The following FNBP1 variants were observed in gnomAD, a reference collection of about 807,000 sequenced individuals.
The protein encoded by FNBP1 is formin-binding protein 1.
A neutral mutation model predicts 90.6 loss-of-function variants in FNBP1; 26 were observed. The ratio of observed to expected loss-of-function variants is 0.29; its 90% CI spans 0.21 to 0.40. The LOEUF (loss-of-function observed/expected upper bound fraction) is 0.40. Ranked by LOEUF, FNBP1 falls within the 10% of genes least tolerant of loss-of-function variation. The probability of loss-of-function intolerance (pLI) is 1.00; values close to 1 mark genes in which losing one functional copy is unlikely to be tolerated. For synonymous variants in FNBP1, 260 were observed against 265.2 expected, an observed-to-expected ratio of 0.98 and a Z score of 0.19; for missense variants, 635 against 768.0, an observed-to-expected ratio of 0.83 and a Z score of 2.05.
chr9:130,002,313 T>C (rs979354353), intron 1 of FNBP1, among the ~76,000 whole-genome samples: 1 of 152,228 alleles, frequency 6.6e-6, no homozygotes, highest in Non-Finnish European at 1.5e-5. Flanking sequence ...GTATACATAC[T>C]GCTATAGTTT....
chr9:130,020,910 G>T (rs1245324276), intron 1 of FNBP1, among the ~76,000 whole-genome samples: 1 of 152,114 alleles, frequency 6.6e-6, no homozygotes, highest in African/African-American at 2.4e-5. Context: ...CTTAGACTTA[G>T]TGCCAACATC....
rs2041499649 is a variant in FNBP1, at chr9:129,923,950, T to C, written c.1064A>G (p.Asn355Ser). The change falls in exon 10 of 17, where the codon AAC (asparagine) becomes AGC (serine). Residue 355 changes from asparagine (N) to serine (S), a missense_variant. Transcript: ENST00000446176. ...TTGCTGCTTGGGAGACTGGGGGCCG[T>C]TGGGAACAGCAGAGGGTGAGGCAGA... ...PASASPSAVP[N>S]GPQSPKQQKE... is the part of the protein sequence containing the mutation. The C allele has an allele frequency of 1.3e-6, 2 of 1,565,990 alleles. No individual in the cohort carries two copies. The highest frequency in any genetic ancestry group is 1.5e-5 in the African/African-American group (1 of 67,818).
Position 129,943,329 on chromosome 9 carries a change from T to A in FNBP1, c.514-13634A>T, listed in dbSNP as rs531611866. Among the ~76,000 whole-genome samples, 5 of 152,170 alleles carry A rather than the reference T, an allele frequency of 3.3e-5. No individual in the cohort carries two copies. The East Asian group carries it at 9.7e-4, about 29-fold the overall frequency. On this transcript the variant is annotated intron_variant, in intron 6 of 16. Coordinates refer to ENST00000446176, the MANE Select transcript of FNBP1 (RefSeq NM_015033.3). ...ATATGATGGACCTCATTGATCGTTTTTATAATTTTTTTTCCTTTATCTCAC... is the reference window on the plus strand; with the variant it reads ...ATATGATGGACCTCATTGATCGTTTATATAATTTTTTTTCCTTTATCTCAC...
In FNBP1 at chr9:130,006,514, A is replaced by C. The variant is rs544952986; in HGVS notation, c.25-11556T>G. Among the ~76,000 whole-genome samples the C allele has an allele frequency of 6.9e-3, 1,045 of 151,544 alleles. 14 individuals are homozygous for C. The highest frequency in any genetic ancestry group is 0.024 in the African/African-American group (1,001 of 41,368). On this transcript the variant is annotated intron_variant, in intron 1 of 16. Coordinates refer to ENST00000446176, the MANE Select transcript of FNBP1 (RefSeq NM_015033.3). The stretch of plus-strand genomic sequence containing the variant: ...GTCTCAAAAAGAAACAAAACAAAAC[A>C]AAAAAACTAGCCAAGCATGGTGGCA...
chr9:129,905,806 A>G (rs900889284), intron 12 of FNBP1, among the ~76,000 whole-genome samples: 5 of 151,922 alleles, frequency 3.3e-5, no homozygotes, highest in Non-Finnish European at 7.4e-5. Context: ...TTAAAGTTCA[A>G]TTCTATTTCA....
Position 129,900,432 on chromosome 9 carries a change from C to CG in FNBP1, c.1543dup (p.Arg515ProfsTer2). 6.3e-7 allele frequency: 1 copy of CG among 1,586,888 alleles called. No homozygotes were observed. The highest frequency in any genetic ancestry group is 8.6e-7 in the Non-Finnish European group (1 of 1,168,358). ...CGCTGTGCAGATACTGTACCTCTCA[C>CG]GGTCCTGGGCGCAGTTGTTGACTGT... is the stretch of plus-strand genomic sequence containing the variant. On this transcript the variant is annotated frameshift_variant, in exon 14 of 17. Transcript: ENST00000446176. LOFTEE classifies it high-confidence loss of function. The surrounding 1 kb of genome is among the most constrained non-coding windows in gnomAD (Gnocchi z 4.1).
intron 15 of FNBP1, among the ~76,000 whole-genome samples, chr9:129,897,827 T>C (rs1261674302): frequency 3.3e-5 from 5 of 152,018 alleles, no homozygotes; most frequent in African/African-American, 1.2e-4. Flanking sequence ...TAAGCTAGTT[T>C]ATCTTTTCTT....
At chr9:130,013,392 T>C (rs1205626070) in intron 1 of FNBP1, among the ~76,000 whole-genome samples, 2 of 152,208 alleles carry the variant, frequency 1.3e-5, no homozygotes, top group Non-Finnish European at 2.9e-5. Flanking sequence ...GGGAAATGCA[T>C]ATTAAAACCA....
chr9:129,992,721 T>C (rs1178589670), intron 2 of FNBP1, among the ~76,000 whole-genome samples: 2 of 150,552 alleles, frequency 1.3e-5, no homozygotes, highest in African/African-American at 2.4e-5. Context: ...GCCTGGCTCA[T>C]TTTTGTATTT....
At chr9:129,986,974 C>G (rs1014371395) in intron 2 of FNBP1, among the ~76,000 whole-genome samples, 5 of 151,984 alleles carry the variant, frequency 3.3e-5, no homozygotes, top group Non-Finnish European at 4.4e-5. Context: ...CTAAGAAAAA[C>G]TATCTGATAA....
intron 4 of FNBP1, among the ~76,000 whole-genome samples, chr9:129,965,134 G>A (rs917420093): frequency 1.3e-5 from 2 of 152,144 alleles, no homozygotes; most frequent in African/African-American, 4.8e-5. Context: ...TCTAAGCGGC[G>A]TGGATATTTC....
At position 129,890,274 on chromosome 9, in the gene FNBP1, T is replaced by TTAAAA; in HGVS notation, c.*264_*265insTTTTA. 1.9e-6 allele frequency: 1 copy of TTAAAA among 519,496 alleles called. No homozygotes were observed. Among genetic ancestry groups the TTAAAA allele is most frequent in the Non-Finnish European group, 3.4e-6 (1 of 293,928 alleles). 32.2% of individuals were successfully genotyped at this position (519,496 alleles called of 1,614,324 possible). A position where few individuals can be genotyped will look rare whatever the true frequency, so the allele number is the denominator to read the frequency against. Reference sequence around the variant, plus strand: ...CGTGTGTCCCACCGTCTCAGTGGCCTGCGCGGGGTGGGGAGGGGGAGCGAT... The same window carrying TTAAAA: ...CGTGTGTCCCACCGTCTCAGTGGCCTTAAAAGCGCGGGGTGGGGAGGGGGAGCGAT... On this transcript the variant is annotated 3_prime_UTR_variant, in exon 17 of 17. Transcript: ENST00000446176. This position sits in a 1 kb window ranked among gnomAD's most constrained non-coding sequence, Gnocchi z 5.8.
intron 7 of FNBP1, among the ~76,000 whole-genome samples, chr9:129,928,579 G>A (rs577559718): frequency 1.3e-5 from 2 of 151,640 alleles, no homozygotes; most frequent in East Asian, 1.9e-4. Context: ...GAGATTCGCC[G>A]GAACCCAGGA....
intron 1 of FNBP1, among the ~76,000 whole-genome samples, chr9:130,019,807 G>C (rs575301908): frequency 1.3e-5 from 2 of 151,832 alleles, no homozygotes; most frequent in Non-Finnish European, 2.9e-5. Flanking sequence ...ACCCAGGTTG[G>C]AGTGCCTCCC....
rs138691597 is a variant in FNBP1 at position 130,035,514 on chromosome 9, A to G, written c.24+7438T>C. 5.0e-3 allele frequency among the ~76,000 whole-genome samples: 755 copies of G among 152,314 alleles called. 7 individuals carry two copies. Among genetic ancestry groups the G allele is most frequent in the African/African-American group, 0.017 (721 of 41,570 alleles). ...CCATCTAAGCCTCTTCTTCCAGGAT[A>G]TTGGCACAAATGGTAGTTACCTTGC... On this transcript the variant is annotated intron_variant, in intron 1 of 16. Coordinates refer to ENST00000446176, the MANE Select transcript of FNBP1 (RefSeq NM_015033.3).
chr9:129,975,672 C>T (rs1019414497), intron 4 of FNBP1, among the ~76,000 whole-genome samples: 9 of 151,948 alleles, frequency 5.9e-5, no homozygotes, highest in Admixed American at 2.0e-4. Flanking sequence ...GAGGCCAAGA[C>T]GGGTGGATCA....
chr9:129,918,446 C>T (rs1045702048), intron 10 of FNBP1, among the ~76,000 whole-genome samples: 1 of 152,102 alleles, frequency 6.6e-6, no homozygotes, highest in South Asian at 2.1e-4. Flanking sequence ...CAGTTTCAGG[C>T]GACAGTTAAA....
intron 16 of FNBP1, among the ~76,000 whole-genome samples, chr9:129,894,498 A>G (rs1246079034): frequency 6.6e-6 from 1 of 152,216 alleles, no homozygotes; most frequent in African/African-American, 2.4e-5. Flanking sequence ...AAACAAAACA[A>G]AAACAACAAC....
chr9:129,964,596 TAAA>T (rs530737177), intron 4 of FNBP1, among the ~76,000 whole-genome samples: 2 of 138,644 alleles, frequency 1.4e-5, no homozygotes, highest in African/African-American at 2.6e-5. Flanking sequence ...TGGCTGAGAT[TAAA>T]AAAAAAAAAA....
Sources: allele counts gnomAD v4.1 joint callset (sites outside exome capture counted in the v4.1 genomes callset), GRCh38; gene constraint gnomAD v4.1.1; non-coding constraint Gnocchi (gnomAD v3.1); transcripts MANE v1.5; gene names NCBI Gene and HGNC (gene_info 2026-07-23, HGNC 2026-07-21).